The following DYNLT3 variants were observed in gnomAD, a reference collection of about 807,000 sequenced individuals.
The protein encoded by DYNLT3 is protein 91/23.
Under a neutral mutation model 11.0 loss-of-function variants are expected in DYNLT3, and 4 were observed. The ratio of observed to expected loss-of-function variants is 0.36; its 90% CI spans 0.18 to 0.83. DYNLT3 has a LOEUF of 0.83. Among genes scored for constraint, DYNLT3 ranks in the 40% least tolerant of loss-of-function variants. DYNLT3 has a pLI of 0.47. For missense variants in DYNLT3, 91 were observed against 91.1 expected, an observed-to-expected ratio of 1.00 and a Z score of 0.01; for synonymous variants, 37 against 31.2, an observed-to-expected ratio of 1.18 and a Z score of -0.61.
chrX:37,845,599 T>C (rs1930252744), intron 2 of DYNLT3, among the ~76,000 whole-genome samples: 1 of 112,751 alleles, frequency 8.9e-6, no homozygotes, highest in South Asian at 3.5e-4. Context: ...ATCTATTTTA[T>C]ACAATATACA....
chrX:37,841,912 G>C lies in DYNLT3; in HGVS notation c.73-7C>G. 9.2e-7 allele frequency: 1 copy of C among 1,088,695 alleles called. No homozygotes were observed. The highest frequency in any genetic ancestry group is 1.2e-6 in the Non-Finnish European group (1 of 821,263). The allele number at this position is 1,088,695 out of a possible 1,213,427, so 89.7% of individuals were successfully genotyped here. ...CTAAAACCCCATCTACACACTAAAA[G>C]GGCACAGAGGGCAGTTAATTTAGTC... On this transcript the variant is annotated splice_region_variant and splice_polypyrimidine_tract_variant and intron_variant, in intron 2 of 4. Transcript: ENST00000378578.
chrX:37,846,597 C>G (rs893922013), intron 1 of DYNLT3, among the ~76,000 whole-genome samples: 1 of 111,303 alleles, frequency 9.0e-6, no homozygotes, highest in African/African-American at 3.3e-5. Flanking sequence ...GTGCTTTATA[C>G]TGGTGATTCT....
chrX:37,840,707 AATATAT>A, intron 4 of DYNLT3, 56 bp from the exon 5 acceptor site: 2 of 649,058 alleles, frequency 3.1e-6, no homozygotes. Context: ...ATTATCAGAG[AATATAT>A]ATATATATAT....
rs1424402401 is a variant in DYNLT3 at position 37,840,587 on chromosome X, A to G, written c.339T>C (p.Ala113=). 13 of 1,201,451 alleles carry G rather than the reference A, an allele frequency of 1.1e-5. No homozygotes were observed. Among genetic ancestry groups the G allele is most frequent in the South Asian group, 1.8e-5 (1 of 55,192 alleles). Residue 113 remains alanine, a synonymous_variant, in exon 5 of 5, where the codon GCT becomes GCC. Coordinates refer to ENST00000378578, the MANE Select transcript of DYNLT3 (RefSeq NM_006520.3). ...MNCIVNVFAI[A]IVL Reference sequence around the variant, plus strand: ...CATTTTTAGTCAGTTAAAGAACAATAGCAATGGCAAAAACGTTGACAATAC... The same window carrying G: ...CATTTTTAGTCAGTTAAAGAACAATGGCAATGGCAAAAACGTTGACAATAC...
chrX:37,842,955 C>T (rs1385337863), intron 2 of DYNLT3, among the ~76,000 whole-genome samples: 1 of 111,877 alleles, frequency 8.9e-6, no homozygotes, highest in Non-Finnish European at 1.9e-5. Context: ...TCATTTAATT[C>T]ATTTTTAGAA....
chrX:37,846,937 AC>A (rs1930277333), intron 1 of DYNLT3: 1 of 1,090,891 alleles, frequency 9.2e-7, no homozygotes, highest in Non-Finnish European at 1.2e-6. Flanking sequence ...CAGGGAGATA[AC>A]AACTGACATC....
intron 4 of DYNLT3, 76 bp from the exon 5 acceptor site, chrX:37,840,727 C>A: frequency 2.3e-6 from 1 of 428,645 alleles, no homozygotes; most frequent in South Asian, 5.2e-5. Flanking sequence ...TATATATACA[C>A]ACACACACAC....
In DYNLT3 at chrX:37,843,131, G is replaced by T. The variant is rs749026609; in HGVS notation, c.73-1226C>A. Reference sequence around the variant, plus strand: ...AGAAATGAAATATTTTAGCAAGGTTGACAAAAGTAATATGGCTCAAATTTT... The same window carrying T: ...AGAAATGAAATATTTTAGCAAGGTTTACAAAAGTAATATGGCTCAAATTTT... On this transcript the variant is annotated intron_variant, in intron 2 of 4. Coordinates refer to ENST00000378578, the MANE Select transcript of DYNLT3 (RefSeq NM_006520.3). 8.0e-5 allele frequency among the ~76,000 whole-genome samples: 9 copies of T among 112,323 alleles called. No individual in the cohort carries two copies. In the South Asian group the frequency reaches 3.3e-3, roughly 41 times the overall value.
At chrX:37,842,191 A>T (rs935466798) in intron 2 of DYNLT3, among the ~76,000 whole-genome samples, 2 of 111,255 alleles carry the variant, frequency 1.8e-5, no homozygotes, top group Non-Finnish European at 3.8e-5. Context: ...TCTAGCAGAG[A>T]AGCTAATAAA....
In DYNLT3 at chrX:37,840,586, T is replaced by C. The variant is rs757531612; in HGVS notation, c.340A>G (p.Ile114Val). 24 of 1,203,204 alleles carry C rather than the reference T, an allele frequency of 2.0e-5. No homozygotes were observed. In the East Asian group the frequency reaches 4.2e-4, roughly 21 times the overall value. The change falls in exon 5 of 5, where the codon ATT becomes GTT. Residue 114 changes from isoleucine to valine, a missense_variant. Ile to Val is a conservative substitution (Grantham distance 29). Coordinates refer to ENST00000378578, the MANE Select transcript of DYNLT3 (RefSeq NM_006520.3). The part of the protein sequence containing the change: ...NCIVNVFAIA[I>V]VL ...ACATTTTTAGTCAGTTAAAGAACAA[T>C]AGCAATGGCAAAAACGTTGACAATA...
At chrX:37,842,921 C>G (rs935819844) in intron 2 of DYNLT3, among the ~76,000 whole-genome samples, 1 of 111,931 alleles carries the variant, frequency 8.9e-6, no homozygotes, top group Non-Finnish European at 1.9e-5. Context: ...CACACACATG[C>G]AGCTTCATTT....
At chrX:37,847,417 G>A (rs1930287934) in intron 1 of DYNLT3, 64 bp downstream of exon 1, 2 of 1,005,730 alleles carry the variant, frequency 2.0e-6, no homozygotes, top group South Asian at 3.8e-5. Context: ...AGACCACCCG[G>A]CAAGAGCCCC....
rs755786512 is a variant in DYNLT3, at chrX:37,841,183, G to A, written c.197-78C>T. On this transcript the variant is annotated intron_variant, in intron 3 of 4. Coordinates refer to ENST00000378578, the MANE Select transcript of DYNLT3 (RefSeq NM_006520.3). ...CAAGGTCAAAGTGTGTGAGTTCAGA[G>A]CTCTACAAGCCGAAAACAAGACAAA... The A allele has an allele frequency of 7.2e-6, 6 of 829,619 alleles. No individual in the cohort carries two copies. In the Admixed American group the frequency reaches 9.3e-5, roughly 13 times the overall value. 68.4% of individuals were successfully genotyped at this position (829,619 alleles called of 1,213,427 possible).
Position 37,847,567 on chromosome X carries a change from G to T in DYNLT3, c.-57C>A. ...CACGCCGGTAGAGCACCGCGGCCGCGCACTGGCCTCCGGGGAGGCCCCACC... is the reference window on the plus strand; with the variant it reads ...CACGCCGGTAGAGCACCGCGGCCGCTCACTGGCCTCCGGGGAGGCCCCACC... On this transcript the variant is annotated 5_prime_UTR_variant, in exon 1 of 5. Coordinates refer to ENST00000378578, the MANE Select transcript of DYNLT3 (RefSeq NM_006520.3). 2.1e-6 allele frequency: 2 copies of T among 949,844 alleles called. No homozygotes were observed. The highest frequency in any genetic ancestry group is 2.6e-6 in the Non-Finnish European group (2 of 755,868). 78.3% of individuals were successfully genotyped at this position (949,844 alleles called of 1,213,427 possible). A position where few individuals can be genotyped will look rare whatever the true frequency, so the allele number is the denominator to read the frequency against.
At chrX:37,842,056 G>C (rs961851043) in intron 2 of DYNLT3, 151 bp from the exon 3 acceptor site, 3 of 507,427 alleles carry the variant, frequency 5.9e-6, no homozygotes, top group African/African-American at 4.8e-5. Context: ...GGTAAACATT[G>C]ATTATGCACT....
chrX:37,844,506 C>G (rs1930231677), intron 2 of DYNLT3, among the ~76,000 whole-genome samples: 1 of 112,329 alleles, frequency 8.9e-6, no homozygotes, highest in Non-Finnish European at 1.9e-5. Flanking sequence ...AAATTTGGTT[C>G]CCTCAGACCA....
At chrX:37,843,655 G>A (rs777407581) in intron 2 of DYNLT3, among the ~76,000 whole-genome samples, 2 of 111,534 alleles carry the variant, frequency 1.8e-5, no homozygotes, top group East Asian at 2.8e-4. Flanking sequence ...TTTCTTCGAC[G>A]ATTTTTTGGG....
chrX:37,845,076 C>T (rs1486189756), intron 2 of DYNLT3, among the ~76,000 whole-genome samples: 1 of 111,958 alleles, frequency 8.9e-6, no homozygotes, highest in Non-Finnish European at 1.9e-5. Context: ...ACAGTCTTTC[C>T]TGACTTGCCA....
chrX:37,847,221 C>A, intron 1 of DYNLT3: 1 of 1,017,278 alleles, frequency 9.8e-7, no homozygotes, highest in Non-Finnish European at 1.3e-6. Context: ...CAAGTCAGGC[C>A]TCGTCCTCCC....
Sources: gnomAD v4.1 joint callset for allele counts (sites outside exome capture counted in the v4.1 genomes callset) on GRCh38, gnomAD v4.1.1 for gene constraint, MANE v1.5 for transcripts, NCBI Gene and HGNC (gene_info 2026-07-23, HGNC 2026-07-21) for gene names.